The following EVL variants were observed in gnomAD, a reference collection of about 807,000 sequenced individuals.
EVL encodes ena/VASP-like protein.
Under a neutral mutation model 59.6 loss-of-function variants are expected in EVL, and 21 were observed. That is an observed-to-expected ratio of 0.35 (90% confidence interval 0.25 to 0.51). EVL has a LOEUF of 0.51. EVL is among the 20% of genes least tolerant of loss of function. The pLI is 0.97. For missense variants in EVL, 462 were observed against 546.6 expected, an observed-to-expected ratio of 0.85 and a Z score of 1.54; for synonymous variants, 198 against 203.5, an observed-to-expected ratio of 0.97 and a Z score of 0.23.
intron 1 of EVL, among the ~76,000 whole-genome samples, chr14:99,982,798 T>C (rs961485498): frequency 3.9e-5 from 6 of 152,346 alleles, no homozygotes; most frequent in Non-Finnish European, 8.8e-5. Flanking sequence ...TAAAATGTTT[T>C]AGTTTAATTT....
At chr14:100,040,196 T>A (rs2061447242) in intron 1 of EVL, among the ~76,000 whole-genome samples, 1 of 152,242 alleles carries the variant, frequency 6.6e-6, no homozygotes, top group Non-Finnish European at 1.5e-5. Context: ...TTGCTGCCCT[T>A]ACTACAGATT....
chr14:100,131,579 GCCTA>G (rs1888439344), intron 7 of EVL, among the ~76,000 whole-genome samples: 1 of 152,298 alleles, frequency 6.6e-6, no homozygotes, highest in East Asian at 1.9e-4. Context: ...CACTCATCCC[GCCTA>G]CACTCCCCGT....
intron 3 of EVL, among the ~76,000 whole-genome samples, chr14:100,103,070 C>T (rs960372369): frequency 1.3e-5 from 2 of 148,480 alleles, no homozygotes; most frequent in African/African-American, 2.5e-5. Flanking sequence ...TCACTGCACT[C>T]CAGCCTGGCA....
chr14:100,023,757 C>A (rs2061166505), intron 1 of EVL, among the ~76,000 whole-genome samples: 1 of 152,152 alleles, frequency 6.6e-6, no homozygotes, highest in East Asian at 1.9e-4. Context: ...CCACCGTACC[C>A]AGCCTCCTTT....
intron 7 of EVL, 93 bp from the exon 8 acceptor site, chr14:100,132,626 C>A: frequency 1.5e-6 from 2 of 1,370,512 alleles, no homozygotes; most frequent in Non-Finnish European, 2.1e-6. Context: ...ATCTGAGGAC[C>A]GGGGTGAGTC....
chr14:99,979,270 C>G (rs2060790984), intron 1 of EVL, among the ~76,000 whole-genome samples: 2 of 151,942 alleles, frequency 1.3e-5, no homozygotes, highest in African/African-American at 2.4e-5. Context: ...CCCACATATA[C>G]ACAATATGCA....
At chr14:100,029,794 T>C (rs999395708) in intron 1 of EVL, among the ~76,000 whole-genome samples, 4 of 152,120 alleles carry the variant, frequency 2.6e-5, no homozygotes, top group Non-Finnish European at 5.9e-5. Flanking sequence ...TTTAGCTGAT[T>C]GAGGGGAGAG....
chr14:100,081,699 G>C (rs371019222), intron 1 of EVL, among the ~76,000 whole-genome samples: 1 of 152,098 alleles, frequency 6.6e-6, no homozygotes, highest in African/African-American at 2.4e-5. Context: ...TCTACGTGCC[G>C]TGCAGTTCTT....
At chr14:100,006,537 T>G (rs920383460) in intron 1 of EVL, among the ~76,000 whole-genome samples, 3 of 152,108 alleles carry the variant, frequency 2.0e-5, no homozygotes, top group African/African-American at 7.2e-5. Flanking sequence ...TCCACCCGCC[T>G]TGGCCTCTCA....
intron 3 of EVL, among the ~76,000 whole-genome samples, chr14:100,102,000 G>T (rs141323017): frequency 0.029 from 4,392 of 152,088 alleles, 90 homozygotes; most frequent in Non-Finnish European, 0.042. Flanking sequence ...ACTATGCCTG[G>T]CTAATTTTTG....
intron 2 of EVL, among the ~76,000 whole-genome samples, chr14:100,096,507 G>A (rs1017006123): frequency 3.3e-5 from 5 of 152,088 alleles, no homozygotes; most frequent in Admixed American, 3.3e-4. Context: ...CACACTGTGA[G>A]GGTGCCATGC....
chr14:100,035,394 CTTTTT>C (rs575227533), intron 1 of EVL, among the ~76,000 whole-genome samples: 2 of 134,622 alleles, frequency 1.5e-5, no homozygotes, highest in African/African-American at 5.5e-5. Context: ...TCTGTTTTCT[CTTTTT>C]TTTTTTTAAT....
At chr14:100,015,316 A>G (rs1204800476) in intron 1 of EVL, among the ~76,000 whole-genome samples, 1 of 152,346 alleles carries the variant, frequency 6.6e-6, no homozygotes, top group African/African-American at 2.4e-5. Flanking sequence ...AGCTGAGGAC[A>G]CTTGTTTAAA....
chr14:99,987,467 C>T (rs138595472), intron 1 of EVL, among the ~76,000 whole-genome samples: 153 of 152,192 alleles, frequency 1.0e-3, no homozygotes, highest in Non-Finnish European at 2.1e-3. Flanking sequence ...CATGGCAAAA[C>T]CCTGTCTCTA....
In EVL at chr14:100,097,472, C is replaced by G. The variant is rs955971758; in HGVS notation, c.181-9C>G. ...ATTTACACGTATTTCTCTCTCCTTT[C>G]TCCTCCAGGTTGTGATCAATTATTC... is the stretch of plus-strand genomic sequence containing the variant. On this transcript the variant is annotated splice_polypyrimidine_tract_variant and intron_variant, in intron 2 of 13. Transcript: ENST00000392920. The G allele has an allele frequency of 1.3e-6, 2 of 1,594,540 alleles. No homozygotes were observed. Among genetic ancestry groups the G allele is most frequent in the Middle Eastern group, 1.7e-4 (1 of 5,956 alleles).
At chr14:100,122,438 A>C (rs932929649) in intron 3 of EVL, among the ~76,000 whole-genome samples, 1 of 152,180 alleles carries the variant, frequency 6.6e-6, no homozygotes, top group African/African-American at 2.4e-5. Context: ...AAATTTTAAA[A>C]AGTGCCTGGA....
intron 3 of EVL, among the ~76,000 whole-genome samples, chr14:100,110,796 C>T (rs1886923870): frequency 6.6e-6 from 1 of 152,204 alleles, no homozygotes; most frequent in South Asian, 2.1e-4. Flanking sequence ...CTCCTTCCAC[C>T]AGTCCCAGGA....
At chr14:99,979,910 G>A (rs1180428103) in intron 1 of EVL, among the ~76,000 whole-genome samples, 1 of 152,128 alleles carries the variant, frequency 6.6e-6, no homozygotes, top group Non-Finnish European at 1.5e-5. Flanking sequence ...ATAAAGGATG[G>A]TTGTGTCTAT....
At chr14:100,050,911 TAA>T (rs756789265) in intron 1 of EVL, among the ~76,000 whole-genome samples, 1 of 136,162 alleles carries the variant, frequency 7.3e-6, no homozygotes, top group Admixed American at 7.4e-5. Context: ...CCCAGCTAAT[TAA>T]AAAAAAAAAA....
Sources: allele counts gnomAD v4.1 joint callset (sites outside exome capture counted in the v4.1 genomes callset), GRCh38; gene constraint gnomAD v4.1.1; transcripts MANE v1.5; gene names NCBI Gene and HGNC (gene_info 2026-07-23, HGNC 2026-07-21).